Variants in DIP2B observed in about 807,000 individuals in gnomAD.
DIP2B encodes the protein disco-interacting protein 2 homolog B.
In DIP2B, 76 loss-of-function variants were observed where a neutral mutation model predicts 198.0. The observed-to-expected ratio is 0.38, with a 90% CI of 0.32 to 0.46. The LOEUF is 0.46. DIP2B is among the 20% of genes least tolerant of loss of function. The pLI, the probability that DIP2B is intolerant of heterozygous loss-of-function variation, is 0.99. For synonymous variants in DIP2B, 701 were observed against 739.1 expected, an observed-to-expected ratio of 0.95 and a Z score of 0.84; for missense variants, 1,559 against 1,978.4, an observed-to-expected ratio of 0.79 and a Z score of 4.02.
In DIP2B at chr12:50,727,693, T is replaced by C. The variant is rs1260299359; in HGVS notation, c.3401-10T>C. The C allele has an allele frequency of 6.2e-7, 1 of 1,612,594 alleles. No individual in the cohort carries two copies. The highest frequency in any genetic ancestry group is 1.1e-5 in the South Asian group (1 of 90,976). On this transcript the variant is annotated splice_polypyrimidine_tract_variant and intron_variant, in intron 28 of 37. Transcript: ENST00000301180. ...TTGGATTGACATCAGGTTTTTTCTT[T>C]TCATGGCAGATGATTTACCCAGGAA...
chr12:50,577,084 G>A (rs185787434), intron 1 of DIP2B, among the ~76,000 whole-genome samples: 5 of 152,230 alleles, frequency 3.3e-5, no homozygotes, highest in Admixed American at 1.3e-4. Context: ...GACTACAGGC[G>A]TGAGCCACCA....
At chr12:50,600,751 C>T (rs1318967509) in intron 1 of DIP2B, among the ~76,000 whole-genome samples, 4 of 152,114 alleles carry the variant, frequency 2.6e-5, no homozygotes, top group African/African-American at 9.7e-5. Context: ...AGTGATAAAG[C>T]CTAGAACATG....
chr12:50,544,647 G>A (rs1247511527), intron 1 of DIP2B, among the ~76,000 whole-genome samples: 1 of 141,026 alleles, frequency 7.1e-6, no homozygotes, highest in Non-Finnish European at 1.5e-5. Flanking sequence ...TTTTTGAGAC[G>A]GAGTCTGTCA....
intron 1 of DIP2B, among the ~76,000 whole-genome samples, chr12:50,570,967 T>C (rs1958607528): frequency 6.6e-6 from 1 of 152,200 alleles, no homozygotes; most frequent in Non-Finnish European, 1.5e-5. Context: ...AAAATTACTA[T>C]GACCCAGCTG....
chr12:50,660,017 T>C (rs977900656), intron 3 of DIP2B, among the ~76,000 whole-genome samples, 177 bp from the exon 4 acceptor site: 2 of 152,178 alleles, frequency 1.3e-5, no homozygotes, highest in African/African-American at 4.8e-5. Context: ...TTCTTTTATT[T>C]TTGTTTTTGA....
chr12:50,585,984 A>G (rs755498683), intron 1 of DIP2B, among the ~76,000 whole-genome samples: 8 of 152,238 alleles, frequency 5.3e-5, no homozygotes, highest in Non-Finnish European at 1.0e-4. Context: ...CTTTCAGTGA[A>G]TACTTTCAAT....
chr12:50,508,087 CTGCAGAGCGTGT>C (rs1366323523), intron 1 of DIP2B, among the ~76,000 whole-genome samples: 1 of 152,194 alleles, frequency 6.6e-6, no homozygotes, highest in Non-Finnish European at 1.5e-5. Flanking sequence ...GGGCTCTTTG[CTGCAGAGCGTGT>C]TGCAGAGCCC....
intron 1 of DIP2B, among the ~76,000 whole-genome samples, chr12:50,552,494 C>T (rs942059049): frequency 1.3e-5 from 2 of 151,978 alleles, no homozygotes; most frequent in Non-Finnish European, 2.9e-5. Context: ...TCTCGATCTC[C>T]TGACTTCGTG....
In DIP2B at chr12:50,745,513, T is replaced by TAACTAAACATTAG. The variant is rs1255227185; in HGVS notation, c.*674_*675insAACTAAACATTAG. 6.6e-6 allele frequency: 1 copy of TAACTAAACATTAG among 152,570 alleles called. No individual in the cohort carries two copies. The highest frequency in any genetic ancestry group is 6.5e-5 in the Admixed American group (1 of 15,314). The allele number at this position is 152,570 out of a possible 1,614,324, so 9.5% of individuals were successfully genotyped here. On this transcript the variant is annotated 3_prime_UTR_variant, in exon 38 of 38. Coordinates refer to ENST00000301180, the MANE Select transcript of DIP2B (RefSeq NM_173602.3). ...GAATTTCAATATTCTCTTAATGTTG[T>TAACTAAACATTAG]GTAATTGATTAGGTAACTAAAAAGC...
intron 1 of DIP2B, among the ~76,000 whole-genome samples, chr12:50,536,601 T>G (rs1958269783): frequency 1.3e-5 from 2 of 151,110 alleles, no homozygotes; most frequent in African/African-American, 4.9e-5. Flanking sequence ...AGGGTCTCAC[T>G]TTGTCACCCT....
At chr12:50,662,082 C>G (rs1054589350) in intron 4 of DIP2B, among the ~76,000 whole-genome samples, 2 of 151,974 alleles carry the variant, frequency 1.3e-5, no homozygotes, top group Non-Finnish European at 2.9e-5. Flanking sequence ...CACTAATGTT[C>G]TCCTCTGTCT....
chr12:50,617,470 A>G (rs1376796436), intron 1 of DIP2B, among the ~76,000 whole-genome samples: 1 of 151,200 alleles, frequency 6.6e-6, no homozygotes, highest in Admixed American at 6.6e-5. Context: ...TGCTATTTTT[A>G]AAACACCAGT....
At chr12:50,680,402 A>C in intron 8 of DIP2B, 1 of 294,138 alleles carries the variant, frequency 3.4e-6, no homozygotes. Context: ...TCTTTCAGAA[A>C]AGAATTTGAA....
At chr12:50,665,987 C>T (rs979555307) in intron 4 of DIP2B, among the ~76,000 whole-genome samples, 1 of 152,124 alleles carries the variant, frequency 6.6e-6, no homozygotes, top group African/African-American at 2.4e-5. Flanking sequence ...TTAACCTAAA[C>T]CACAAAGTAA....
rs954098042 is a variant in DIP2B at position 50,569,997 on chromosome 12, A to G, written c.101-55979A>G. On this transcript the variant is annotated intron_variant, in intron 1 of 37. Coordinates refer to ENST00000301180, the MANE Select transcript of DIP2B (RefSeq NM_173602.3). ...GTTGTTAAACTCAGAAATCTTTTGC[A>G]GTTTGGTTGTAGAAACTTGTCTCTT... 2.6e-5 allele frequency among the ~76,000 whole-genome samples: 4 copies of G among 152,302 alleles called. No homozygotes were observed. The East Asian group carries it at 7.7e-4, about 29-fold the overall frequency.
At chr12:50,735,446 GTTTT>G (rs910953740) in intron 34 of DIP2B, among the ~76,000 whole-genome samples, 1 of 137,718 alleles carries the variant, frequency 7.3e-6, no homozygotes, top group Non-Finnish European at 1.6e-5. Flanking sequence ...TTTTTTCATG[GTTTT>G]TTTTGTTTTT....
At chr12:50,682,378 C>G (rs1312657096) in intron 9 of DIP2B, among the ~76,000 whole-genome samples, 1 of 152,128 alleles carries the variant, frequency 6.6e-6, no homozygotes, top group African/African-American at 2.4e-5. Context: ...GCAATCCCAG[C>G]ACTTTGGGAG....
At chr12:50,553,404 C>T (rs1476837463) in intron 1 of DIP2B, among the ~76,000 whole-genome samples, 1 of 152,178 alleles carries the variant, frequency 6.6e-6, no homozygotes, top group Non-Finnish European at 1.5e-5. Flanking sequence ...CAGTGCCTGG[C>T]ACTTAGCACA....
At chr12:50,510,535 G>GT (rs1269446525) in intron 1 of DIP2B, among the ~76,000 whole-genome samples, 5 of 152,138 alleles carry the variant, frequency 3.3e-5, no homozygotes, top group Non-Finnish European at 5.9e-5. Flanking sequence ...AATTACTAGA[G>GT]TTCTCCATGG....
Sources: gnomAD v4.1 joint callset for allele counts (sites outside exome capture counted in the v4.1 genomes callset) on GRCh38, gnomAD v4.1.1 for gene constraint, MANE v1.5 for transcripts, NCBI Gene and HGNC (gene_info 2026-07-23, HGNC 2026-07-21) for gene names.